The following TLN1 variants were observed in gnomAD, a reference collection of about 807,000 sequenced individuals.
The protein encoded by TLN1 is talin 1, also known as talin-1.
In TLN1, 56 loss-of-function variants were observed where a neutral mutation model predicts 292.3. That is an observed-to-expected ratio of 0.19 (90% CI 0.15 to 0.24). The LOEUF is 0.24. Ranked by LOEUF, TLN1 falls within the 10% of genes least tolerant of loss-of-function variation. The probability of loss-of-function intolerance (pLI) is 1.00; values close to 1 mark genes in which losing one functional copy is unlikely to be tolerated. For synonymous variants in TLN1, 1,119 were observed against 1,253.7 expected (o/e 0.89, Z 2.27); for missense variants, 2,433 against 3,248.2 (o/e 0.75, Z 6.10).
intron 19 of TLN1, among the ~76,000 whole-genome samples, chr9:35,716,920 T>C (rs1261147705): frequency 6.6e-6 from 1 of 152,214 alleles, no homozygotes; most frequent in African/African-American, 2.4e-5. Context: ...CTTTGGTATA[T>C]TCTTTAAATG....
chr9:35,711,508 C>G (rs1199563403), intron 29 of TLN1, 87 bp downstream of exon 29: 1 of 1,604,230 alleles, frequency 6.2e-7, no homozygotes, highest in African/African-American at 1.3e-5. Context: ...GGAAGGGAGC[C>G]AGGAGCAAGT....
At position 35,707,727 on chromosome 9, in the gene TLN1, G is replaced by T. The variant is rs369350903; in HGVS notation, c.4632+4C>A. ...GAGAGGCTGGGAATTCAAGCAATGGGAACCTTGATGGTCTTGACAAGATTA... is the reference window on the plus strand; with the variant it reads ...GAGAGGCTGGGAATTCAAGCAATGGTAACCTTGATGGTCTTGACAAGATTA... On this transcript the variant is annotated splice_donor_region_variant and intron_variant, in intron 35 of 56. Transcript: ENST00000314888. This position sits in a 1 kb window ranked among gnomAD's most constrained non-coding sequence, Gnocchi z 5.6. 8.9e-5 allele frequency: 143 copies of T among 1,614,034 alleles called. No individual in the cohort carries two copies. The highest frequency in any genetic ancestry group is 2.2e-4 in the Admixed American group (13 of 59,998).
In TLN1 at chr9:35,707,047, A is replaced by G; in HGVS notation, c.4955+25T>C. On this transcript the variant is annotated intron_variant, in intron 37 of 56. Transcript: ENST00000314888. This position sits in a 1 kb window ranked among gnomAD's most constrained non-coding sequence, Gnocchi z 5.6. Reference sequence around the variant, plus strand: ...CTGCCACAATGTATGCCCCCCAGCCACACTGGTTCCCCATCCCTCAATACC... The same window carrying G: ...CTGCCACAATGTATGCCCCCCAGCCGCACTGGTTCCCCATCCCTCAATACC... 6.2e-7 allele frequency: 1 copy of G among 1,610,430 alleles called. No homozygotes were observed. Among genetic ancestry groups the G allele is most frequent in the Non-Finnish European group, 8.5e-7 (1 of 1,179,010 alleles).
intron 33 of TLN1, among the ~76,000 whole-genome samples, chr9:35,710,047 T>TAAAA (rs780739132): frequency 8.7e-6 from 1 of 115,430 alleles, no homozygotes; most frequent in Non-Finnish European, 1.8e-5. Context: ...CTGTCTTTAC[T>TAAAA]AAAAAAAAAA....
In TLN1 at chr9:35,712,879, C is replaced by G. The variant is rs765740689; in HGVS notation, c.3517G>C (p.Ala1173Pro). ...CTCTCAGGGTCCCCTGGATGGCCAG[C>G]TGCCTTTTTCGCCTCCTCAATGAGG... ...SSLIEEAKKA[A>P]GHPGDPESQQ... Residue 1173 changes from alanine (A) to proline (P), a missense_variant, in exon 27 of 57, where the codon GCT (alanine) becomes CCT (proline). Ala to Pro is a conservative substitution (Grantham distance 27, BLOSUM62 -1). Around this residue, in one of 7 missense-constraint regions of TLN1, gnomAD observed 1,384 missense variants for 1,699.6 expected, o/e 0.81. Transcript: ENST00000314888. 64 of 1,597,454 alleles carry G rather than the reference C, an allele frequency of 4.0e-5. No individual in the cohort carries two copies. In the East Asian group the frequency reaches 1.4e-3, roughly 36 times the overall value.
At chr9:35,722,958 A>C in intron 7 of TLN1, 37 bp from the exon 8 acceptor site, 2 of 1,599,480 alleles carry the variant, frequency 1.3e-6, no homozygotes, top group Middle Eastern at 1.7e-4. Flanking sequence ...TGTGGTAGAC[A>C]GCATCAGGGG....
rs1411695601 is a variant in TLN1, at chr9:35,698,534, A to G, written c.7189-29T>C. 1 of 1,613,538 alleles carries G rather than the reference A, an allele frequency of 6.2e-7. No homozygotes were observed. Among genetic ancestry groups the G allele is most frequent in the East Asian group, 2.2e-5 (1 of 44,878 alleles). On this transcript the variant is annotated intron_variant, in intron 54 of 56. Transcript: ENST00000314888. This position sits in a 1 kb window ranked among gnomAD's most constrained non-coding sequence, Gnocchi z 5.3. ...AAGCAGGGAGAGTTTGCTTAAAAATATGCCCCTTGCCCTGGTCCATCCCCA... is the reference window on the plus strand; with the variant it reads ...AAGCAGGGAGAGTTTGCTTAAAAATGTGCCCCTTGCCCTGGTCCATCCCCA...
At position 35,714,447 on chromosome 9, in the gene TLN1, C is replaced by A; in HGVS notation, c.2986-74G>T. On this transcript the variant is annotated intron_variant, in intron 23 of 56. Coordinates refer to ENST00000314888, the MANE Select transcript of TLN1 (RefSeq NM_006289.4). The surrounding 1 kb of genome is among the most constrained non-coding windows in gnomAD (Gnocchi z 4.6). The stretch of plus-strand genomic sequence containing the variant: ...CTTGGGTACAAGGACTGATGATGGT[C>A]AGGATGTAGGGAACACTGGGGCTTG... 1 of 1,573,918 alleles carries A rather than the reference C, an allele frequency of 6.4e-7. No homozygotes were observed. The highest frequency in any genetic ancestry group is 1.1e-5 in the South Asian group (1 of 87,104).
chr9:35,728,925 T>A (rs558779175), intron 1 of TLN1, among the ~76,000 whole-genome samples: 36 of 152,188 alleles, frequency 2.4e-4, no homozygotes, highest in African/African-American at 8.7e-4. Context: ...GAGGGCAGGA[T>A]GTGGTAAGAG....
At position 35,698,675 on chromosome 9, in the gene TLN1, C is replaced by T. The variant is rs776040475; in HGVS notation, c.7130G>A (p.Gly2377Asp). 1.2e-6 allele frequency: 2 copies of T among 1,614,132 alleles called. No individual in the cohort carries two copies. Among genetic ancestry groups the T allele is most frequent in the Non-Finnish European group, 1.7e-6 (2 of 1,180,032 alleles). The change falls in exon 54 of 57, where the codon GGT (glycine) becomes GAT (aspartate). Residue 2377 changes from glycine (G) to aspartate (D), a missense_variant. By Grantham distance (94) the Gly-to-Asp change is moderately conservative. Transcript: ENST00000314888. This position sits in a 1 kb window ranked among gnomAD's most constrained non-coding sequence, Gnocchi z 5.3. ...GTCCAGTGCATTGGCTGGAATGGCA[C>T]CCACCTGTAGGAAGGAGAAGAGCCT... is the stretch of plus-strand genomic sequence containing the variant. ...QRELVAQGKV[G>D]AIPANALDDG...
intron 46 of TLN1, 43 bp from the exon 47 acceptor site, chr9:35,703,943 C>T (rs548497188): frequency 1.2e-5 from 19 of 1,613,386 alleles, no homozygotes; most frequent in African/African-American, 8.0e-5. Flanking sequence ...GAGGAAGAAG[C>T]GGGACAGGAA....
chr9:35,697,433 A>T lies in TLN1; in HGVS notation c.*358T>A. On this transcript the variant is annotated 3_prime_UTR_variant, in exon 57 of 57. Coordinates refer to ENST00000314888, the MANE Select transcript of TLN1 (RefSeq NM_006289.4). ...CTGGGGGTGGGGGAAGATAGTATCA[A>T]AAAACGGTGAAGAGAGCTGATGAGG... The T allele has an allele frequency of 3.9e-6, 1 of 258,774 alleles. No individual in the cohort carries two copies. The highest frequency in any genetic ancestry group is 2.2e-5 in the African/African-American group (1 of 45,036). The allele number at this position is 258,774 out of a possible 1,614,324, so 16.0% of individuals were successfully genotyped here. A position where few individuals can be genotyped will look rare whatever the true frequency, so the allele number is the denominator to read the frequency against.
intron 30 of TLN1, 42 bp from the exon 31 acceptor site, chr9:35,711,124 T>C: frequency 1.2e-6 from 2 of 1,610,998 alleles, no homozygotes; most frequent in Non-Finnish European, 1.7e-6. Context: ...GAATAGGTCA[T>C]CATTCCTGGG....
Position 35,710,857 on chromosome 9 carries a change from G to C in TLN1, c.4143C>G (p.Val1381=), listed in dbSNP as rs35563650. Residue 1381 remains valine (V), a synonymous_variant, in exon 32 of 57, where the codon GTC becomes GTG. Coordinates refer to ENST00000314888, the MANE Select transcript of TLN1 (RefSeq NM_006289.4). ...AGTAGGACATGTCATTGATGGGCTG[G>C]ACTGGGTTCTCCAGGAGTTCCCGGA... The part of the protein sequence containing the change: ...ETVRELLENP[V]QPINDMSYFG... 2 of 1,614,220 alleles carry C rather than the reference G, an allele frequency of 1.2e-6. No homozygotes were observed. The highest frequency in any genetic ancestry group is 1.7e-6 in the Non-Finnish European group (2 of 1,180,042).
In TLN1 at chr9:35,698,374, C is replaced by T; in HGVS notation, c.7320G>A (p.Val2440=). The T allele has an allele frequency of 6.2e-7, 1 of 1,614,178 alleles. No homozygotes were observed. Among genetic ancestry groups the T allele is most frequent in the African/African-American group, 1.3e-5 (1 of 75,044 alleles). ...CCTGGTCAGCCTTGACCTTGCAGGC[C>T]ACAAGGAGCTGGGCTGTGGAGGCAG... The part of the protein sequence containing the change: ...QVAASTAQLL[V]ACKVKADQDS... Residue 2440 remains valine (V), a synonymous_variant, in exon 55 of 57, where the codon GTG becomes GTA. Coordinates refer to ENST00000314888, the MANE Select transcript of TLN1 (RefSeq NM_006289.4). The surrounding 1 kb of genome is among the most constrained non-coding windows in gnomAD (Gnocchi z 5.3).
chr9:35,710,675 G>A lies in TLN1; in HGVS notation c.4212C>T (p.Gly1404=), dbSNP rs774522280. 1.3e-5 allele frequency: 21 copies of A among 1,613,970 alleles called. No individual in the cohort carries two copies. The highest frequency in any genetic ancestry group is 5.0e-5 in the Admixed American group (3 of 60,000). ...DSVMENSKVL[G]EAMTGISQNA... ...TTTGGGAGATGCCAGTCATGGCCTC[G>A]CCCAGCACCTGAGGAACAGAGGACA... Residue 1404 remains glycine (G), a synonymous_variant, in exon 33 of 57, where the codon GGC becomes GGT. Transcript: ENST00000314888.
At chr9:35,729,006 A>G (rs554863784) in intron 1 of TLN1, among the ~76,000 whole-genome samples, 1 of 152,354 alleles carries the variant, frequency 6.6e-6, no homozygotes, top group South Asian at 2.1e-4. Flanking sequence ...CATGATAAGT[A>G]TCATTTGAAG....
intron 3 of TLN1, 21 bp downstream of exon 3, chr9:35,725,203 C>T: frequency 6.2e-7 from 1 of 1,612,970 alleles, no homozygotes. Context: ...ATGTGGTGGT[C>T]CTTGATGAAA....
intron 3 of TLN1, 68 bp from the exon 4 acceptor site, chr9:35,725,027 C>T: frequency 6.2e-7 from 1 of 1,606,024 alleles, no homozygotes. Context: ...CTTTACACAG[C>T]CCGAGGGGAG....
Sources: gnomAD v4.1 joint callset for allele counts (sites outside exome capture counted in the v4.1 genomes callset) on GRCh38, gnomAD v4.1.1 for gene constraint, gnomAD v4.1.1 regional missense constraint, Gnocchi (gnomAD v3.1) non-coding constraint, MANE v1.5 for transcripts, NCBI Gene and HGNC (gene_info 2026-07-23, HGNC 2026-07-21) for gene names.